TENM2: variants seen among roughly 807,000 people sequenced by gnomAD.
The protein encoded by TENM2 is teneurin transmembrane protein 2.
In TENM2, 52 loss-of-function variants were observed where a neutral mutation model predicts 245.2. The ratio of observed to expected loss-of-function variants is 0.21; its 90% CI spans 0.17 to 0.27. The LOEUF (loss-of-function observed/expected upper bound fraction) is 0.27, where lower values mean the gene tolerates loss of function less well. Ranked by LOEUF, TENM2 falls within the 10% of genes least tolerant of loss-of-function variation. The pLI is 1.00. For synonymous variants in TENM2, 1,363 were observed against 1,438.9 expected (o/e 0.95, Z 1.19); for missense variants, 3,046 against 3,666.8 (o/e 0.83, Z 4.37).
chr5:167,982,128 A>G (rs969806289), intron 4 of TENM2, among the ~76,000 whole-genome samples: 1 of 152,050 alleles, frequency 6.6e-6, no homozygotes, highest in South Asian at 2.1e-4. Flanking sequence ...TTCCCACCCC[A>G]GGGACTTTGC....
At chr5:167,358,628 C>G (rs1384208022) in intron 1 of TENM2, among the ~76,000 whole-genome samples, 1 of 151,782 alleles carries the variant, frequency 6.6e-6, no homozygotes, top group Non-Finnish European at 1.5e-5. Context: ...TTATTCCAAA[C>G]TGGGGATTTT....
intron 1 of TENM2, among the ~76,000 whole-genome samples, chr5:167,314,712 ATAAG>A (rs766067869): frequency 2.6e-5 from 4 of 152,106 alleles, no homozygotes; most frequent in Non-Finnish European, 4.4e-5. Flanking sequence ...TTTTAAATGT[ATAAG>A]TAATATTAAA....
chr5:167,894,609 G>T lies in TENM2; in HGVS notation c.712+18414G>T, dbSNP rs1775024617. On this transcript the variant is annotated intron_variant, in intron 3 of 28. Coordinates refer to ENST00000518659, the Ensembl canonical transcript of TENM2. ...TCACTATACTCAAATATCATTCCTTGGATACCCCTGCCCCATCCAAATTTG... is the reference window on the plus strand; with the variant it reads ...TCACTATACTCAAATATCATTCCTTTGATACCCCTGCCCCATCCAAATTTG... Among the ~76,000 whole-genome samples the T allele has an allele frequency of 3.3e-5, 5 of 151,860 alleles. No homozygotes were observed. In the South Asian group the frequency reaches 1.0e-3, roughly 32 times the overall value.
At chr5:167,040,269 A>G in the TENM2 span, among the ~76,000 whole-genome samples, 4 of 152,042 alleles carry the variant, frequency 2.6e-5, no homozygotes, top group South Asian at 8.3e-4. Flanking sequence ...GCTCAGACCT[A>G]CAAGGCCAAG....
chr5:167,434,499 GTTTA>G (rs1400214382), intron 2 of TENM2, among the ~76,000 whole-genome samples: 1 of 147,232 alleles, frequency 6.8e-6, no homozygotes, highest in Non-Finnish European at 1.5e-5. Context: ...AATTTTTAAT[GTTTA>G]TTCTCAAAAT....
chr5:168,183,465 C>T (rs1359408266), intron 13 of TENM2, among the ~76,000 whole-genome samples: 1 of 152,136 alleles, frequency 6.6e-6, no homozygotes, highest in Admixed American at 6.5e-5. Context: ...AACTAACTCC[C>T]AAGGCAAAAC....
At chr5:167,725,844 A>T (rs1425583708) in intron 2 of TENM2, among the ~76,000 whole-genome samples, 1 of 151,910 alleles carries the variant, frequency 6.6e-6, no homozygotes, top group East Asian at 1.9e-4. Context: ...TTTGCCTGAA[A>T]TCCCCTTCCT....
chr5:167,340,765 T>A (rs1464144311), intron 1 of TENM2, among the ~76,000 whole-genome samples: 1 of 152,254 alleles, frequency 6.6e-6, no homozygotes, highest in East Asian at 1.9e-4. Flanking sequence ...AAAGATGGAT[T>A]GGTGCTATAA....
chr5:167,297,180 T>A (rs1754992156), intron 1 of TENM2, among the ~76,000 whole-genome samples: 1 of 152,238 alleles, frequency 6.6e-6, no homozygotes, highest in African/African-American at 2.4e-5. Flanking sequence ...CTTAGCATAG[T>A]GACTTAGAAT....
the TENM2 span, among the ~76,000 whole-genome samples, chr5:167,008,630 CAT>C: frequency 1.3e-5 from 2 of 152,130 alleles, no homozygotes; most frequent in Non-Finnish European, 2.9e-5. Flanking sequence ...GTTTTTCTAT[CAT>C]GTGGGTTGCC....
chr5:168,027,202 C>T (rs1032569149), intron 5 of TENM2, among the ~76,000 whole-genome samples: 5 of 151,960 alleles, frequency 3.3e-5, no homozygotes, highest in African/African-American at 7.3e-5. Flanking sequence ...GACTCCCGAC[C>T]GAGGTACTGA....
chr5:168,261,910 A>G, intron 28 of TENM2, 139 bp from the exon 31 acceptor site: 1 of 760,742 alleles, frequency 1.3e-6, no homozygotes, highest in South Asian at 1.9e-5. Flanking sequence ...TCCAAAAGGT[A>G]GGACTCCCAA....
intron 2 of TENM2, among the ~76,000 whole-genome samples, chr5:167,442,417 G>C (rs981956092): frequency 6.6e-6 from 1 of 152,040 alleles, no homozygotes; most frequent in Non-Finnish European, 1.5e-5. Flanking sequence ...ATGGATTCTA[G>C]ATTATAGAAC....
intron 2 of TENM2, among the ~76,000 whole-genome samples, chr5:167,546,024 T>G (rs1434721025): frequency 1.3e-5 from 2 of 152,204 alleles, no homozygotes; most frequent in Non-Finnish European, 2.9e-5. Context: ...AAGCAGCTCA[T>G]TCAATGTTCA....
At chr5:167,811,468 TC>T (rs1766633478) in intron 2 of TENM2, among the ~76,000 whole-genome samples, 1 of 152,036 alleles carries the variant, frequency 6.6e-6, no homozygotes, top group Non-Finnish European at 1.5e-5. Flanking sequence ...CCCTGAGGCC[TC>T]CCCAGAAGCC....
chr5:167,612,421 G>T (rs1000687315), intron 2 of TENM2, among the ~76,000 whole-genome samples: 2 of 151,698 alleles, frequency 1.3e-5, no homozygotes, highest in Admixed American at 6.6e-5. Flanking sequence ...TTACATCTAG[G>T]CATACTGCAT....
At chr5:166,987,467 G>A in the TENM2 span, among the ~76,000 whole-genome samples, 3 of 151,394 alleles carry the variant, frequency 2.0e-5, no homozygotes, top group South Asian at 2.1e-4. Flanking sequence ...AACTCCAAAT[G>A]TATTTACTCT....
At chr5:167,906,209 A>T (rs539075278) in intron 3 of TENM2, among the ~76,000 whole-genome samples, 5 of 152,272 alleles carry the variant, frequency 3.3e-5, no homozygotes, top group African/African-American at 1.2e-4. Flanking sequence ...TAAAATAAAA[A>T]CCCTCAATTG....
the TENM2 span, among the ~76,000 whole-genome samples, chr5:166,989,412 A>T: frequency 6.6e-6 from 1 of 151,820 alleles, no homozygotes; most frequent in Non-Finnish European, 1.5e-5. Context: ...GACACACACC[A>T]TTATGCCCAG....
Sources: gnomAD v4.1 joint callset for allele counts (sites outside exome capture counted in the v4.1 genomes callset) on GRCh38, gnomAD v4.1.1 for gene constraint, MANE v1.5 for transcripts, NCBI Gene and HGNC (gene_info 2026-07-23, HGNC 2026-07-21) for gene names.